SHF: variants seen among roughly 807,000 people sequenced by gnomAD.
SHF encodes Src homology 2 domain containing F.
A neutral mutation model predicts 42.4 loss-of-function variants in SHF; 30 were observed. The ratio of observed to expected loss-of-function variants is 0.71; its 90% CI spans 0.53 to 0.96. SHF has a LOEUF of 0.96. SHF is among the 40% of genes least tolerant of loss of function. The probability of loss-of-function intolerance (pLI) is 0.00; values close to 1 mark genes in which losing one functional copy is unlikely to be tolerated. For synonymous variants in SHF, 264 were observed against 269.9 expected (o/e 0.98, Z 0.21); for missense variants, 598 against 634.0 (o/e 0.94, Z 0.61).
chr15:45,175,744 A>G (rs759665661), intron 2 of SHF, among the ~76,000 whole-genome samples: 12 of 152,096 alleles, frequency 7.9e-5, no homozygotes, highest in Non-Finnish European at 1.6e-4. Flanking sequence ...CCCGTTGTCC[A>G]CTTCCTCCCT....
upstream of SHF, among the ~76,000 whole-genome samples, chr15:45,189,312 A>C (rs1898633306): frequency 6.7e-6 from 1 of 150,320 alleles, no homozygotes; most frequent in African/African-American, 2.4e-5. Flanking sequence ...CTGGGAAAGC[A>C]GCTGTCTCAC....
At chr15:45,197,035 C>T (rs1296208941) in intron 2 of SHF, among the ~76,000 whole-genome samples, 2 of 152,050 alleles carry the variant, frequency 1.3e-5, no homozygotes, top group Admixed American at 6.5e-5. Context: ...ACACACTTTT[C>T]TTTTTAGTGA....
exon 1 of SHF, chr15:45,201,001 G>A (rs746500770): frequency 2.8e-6 from 1 of 361,688 alleles, no homozygotes; most frequent in Non-Finnish European, 5.5e-6. Context: ...GGGCTAGGGA[G>A]TCCACAGCGC....
chr15:45,174,021 C>T (rs1897663234), intron 3 of SHF, among the ~76,000 whole-genome samples: 1 of 152,098 alleles, frequency 6.6e-6, no homozygotes, highest in Admixed American at 6.5e-5. Flanking sequence ...GCCTCCAGGG[C>T]CCAAAGGTAC....
In SHF at chr15:45,168,144, G is replaced by C. The variant is rs773627257; in HGVS notation, c.1281-11C>G. 1 of 1,567,446 alleles carries C rather than the reference G, an allele frequency of 6.4e-7. No homozygotes were observed. Among genetic ancestry groups the C allele is most frequent in the South Asian group, 1.2e-5 (1 of 83,734 alleles). On this transcript the variant is annotated splice_polypyrimidine_tract_variant and intron_variant, in intron 6 of 6. Transcript: ENST00000690270. ...AATCCCTGGCTGCTCCTGGGAAGAG[G>C]AGAGGAGACTTTGGTGAGTGGGGGC...
At chr15:45,174,595 A>G (rs1471050213) in intron 3 of SHF, among the ~76,000 whole-genome samples, 1 of 152,162 alleles carries the variant, frequency 6.6e-6, no homozygotes, top group African/African-American at 2.4e-5. Context: ...CCCAGGAGCA[A>G]AAGCCCTCTC....
At chr15:45,181,905 T>C (rs1464090860) in intron 1 of SHF, among the ~76,000 whole-genome samples, 4 of 152,232 alleles carry the variant, frequency 2.6e-5, no homozygotes, top group East Asian at 3.8e-4. Flanking sequence ...TTCTCTGATA[T>C]AGCCAGAATG....
intron 2 of SHF, chr15:45,198,720 T>G: frequency 6.4e-7 from 1 of 1,564,214 alleles, no homozygotes; most frequent in Non-Finnish European, 8.6e-7. Flanking sequence ...GATTATCCTC[T>G]TCAACAGTCA....
At chr15:45,188,915 G>A (rs1014442829), upstream of SHF, among the ~76,000 whole-genome samples, 1 of 152,162 alleles carries the variant, frequency 6.6e-6, no homozygotes, top group African/African-American at 2.4e-5. Context: ...AGTTCCGGCT[G>A]GGCGCGGTGG....
chr15:45,171,428 C>G (rs1427656048), intron 6 of SHF: 1 of 171,130 alleles, frequency 5.8e-6, no homozygotes, highest in East Asian at 1.5e-4. Context: ...CAGCCCCCCC[C>G]AACACCCTAC....
upstream of SHF, among the ~76,000 whole-genome samples, chr15:45,189,726 C>T (rs932903886): frequency 1.4e-5 from 2 of 146,450 alleles, no homozygotes; most frequent in African/African-American, 4.9e-5. Context: ...GCCAAGAGGC[C>T]CCAAAGGAAA....
chr15:45,175,669 C>A (rs763124164), intron 2 of SHF, among the ~76,000 whole-genome samples: 13 of 152,214 alleles, frequency 8.5e-5, no homozygotes, highest in Admixed American at 5.9e-4. Context: ...GAAAAGGATC[C>A]TGCAACAGCC....
chr15:45,196,190 C>T (rs892123441), intron 2 of SHF, among the ~76,000 whole-genome samples: 80 of 151,874 alleles, frequency 5.3e-4, no homozygotes, highest in African/African-American at 1.7e-3. Flanking sequence ...CTCCGCCCCC[C>T]GGGTTCAAGC....
chr15:45,186,187 C>T (rs539932839), intron 1 of SHF, among the ~76,000 whole-genome samples: 2 of 152,366 alleles, frequency 1.3e-5, no homozygotes, highest in African/African-American at 4.8e-5. Flanking sequence ...TGCCCTTGAA[C>T]CTTCCTCTGC....
At chr15:45,168,749 C>A (rs1897334554) in intron 6 of SHF, among the ~76,000 whole-genome samples, 1 of 152,170 alleles carries the variant, frequency 6.6e-6, no homozygotes, top group South Asian at 2.1e-4. Context: ...TGGACCAAGC[C>A]CCTAGCTCAT....
At chr15:45,200,631 A>C (rs561454054) in intron 1 of SHF, 208 of 434,672 alleles carry the variant, frequency 4.8e-4, no homozygotes, top group South Asian at 3.2e-3. Context: ...AAGAGCATTA[A>C]TCTCTGCTTT....
chr15:45,177,971 T>G (rs1204599182), intron 2 of SHF, among the ~76,000 whole-genome samples, 194 bp downstream of exon 2: 1 of 152,186 alleles, frequency 6.6e-6, no homozygotes, highest in Non-Finnish European at 1.5e-5. Flanking sequence ...CCTATACCAC[T>G]TCAGGTCTCA....
chr15:45,198,232 C>T (rs1898930920), intron 2 of SHF, among the ~76,000 whole-genome samples: 1 of 151,974 alleles, frequency 6.6e-6, no homozygotes, highest in Admixed American at 6.6e-5. Context: ...CAAGATCGCG[C>T]CATTGCACTC....
rs1347298933 is a variant in SHF at position 45,178,172 on chromosome 15, C to T, written c.633G>A (p.Met211Ile). ...CCTGCCCCTGTCACTCACCGGCCAT[C>T]ATCTTTTGAGCCTCATAGGGCTCCA... ...GYMEPYEAQKMMAEIRGSKET... is the reference protein window; with the variant it reads ...GYMEPYEAQKIMAEIRGSKET... Residue 211 changes from methionine (M) to isoleucine (I), a missense_variant, in exon 2 of 7, where the codon ATG becomes ATA. Physicochemically the swap from Met to Ile is conservative, Grantham distance 10 (BLOSUM62 1). Coordinates refer to ENST00000690270, the MANE Select transcript of SHF (RefSeq NM_001394037.1). The T allele has an allele frequency of 6.8e-6, 11 of 1,612,534 alleles. No homozygotes were observed. The highest frequency in any genetic ancestry group is 9.3e-6 in the Non-Finnish European group (11 of 1,179,776).
Sources: gnomAD v4.1 joint callset for allele counts (sites outside exome capture counted in the v4.1 genomes callset) on GRCh38, gnomAD v4.1.1 for gene constraint, MANE v1.5 for transcripts, NCBI Gene and HGNC (gene_info 2026-07-23, HGNC 2026-07-21) for gene names.